The following TCF3 variants were observed in gnomAD, a reference collection of about 807,000 sequenced individuals.
The protein encoded by TCF3 is transcription factor E2-alpha.
TCF3 carries 54 observed loss-of-function variants against 72.3 expected under a neutral mutation model. The observed-to-expected ratio is 0.75, with a 90% CI of 0.60 to 0.94. The LOEUF (loss-of-function observed/expected upper bound fraction) is 0.94, where lower values mean the gene tolerates loss of function less well. Ranked by LOEUF, TCF3 falls within the 40% of genes least tolerant of loss-of-function variation. The pLI, the probability that TCF3 is intolerant of heterozygous loss-of-function variation, is 0.00. For synonymous variants in TCF3, 525 were observed against 412.6 expected, an observed-to-expected ratio of 1.27 and a Z score of -3.30; for missense variants, 1,078 against 934.4, an observed-to-expected ratio of 1.15 and a Z score of -2.00.
intron 7 of TCF3, among the ~76,000 whole-genome samples, chr19:1,624,297 G>A (rs2062617119): frequency 6.6e-6 from 1 of 152,146 alleles, no homozygotes; most frequent in Admixed American, 6.5e-5. Context: ...TCGGGAGGCC[G>A]AGGCAGGAGA....
intron 1 of TCF3, chr19:1,651,377 G>A: frequency 4.4e-6 from 1 of 227,508 alleles, no homozygotes; most frequent in Non-Finnish European, 8.7e-6. Context: ...GAGGCCGGGT[G>A]TGAAGCGGGC....
At chr19:1,647,626 G>A (rs2066325692) in intron 2 of TCF3, among the ~76,000 whole-genome samples, 1 of 152,192 alleles carries the variant, frequency 6.6e-6, no homozygotes, top group Non-Finnish European at 1.5e-5. Context: ...AGGCTCCGGT[G>A]CACCCAGCCT....
At chr19:1,631,727 C>T (rs765888687) in intron 5 of TCF3, among the ~76,000 whole-genome samples, 19 of 152,212 alleles carry the variant, frequency 1.2e-4, no homozygotes, top group Non-Finnish European at 1.9e-4. Flanking sequence ...CAGGCCAGCC[C>T]GGCTGACCCC....
At chr19:1,643,507 CACT>C (rs1938770690) in intron 3 of TCF3, among the ~76,000 whole-genome samples, 1 of 152,106 alleles carries the variant, frequency 6.6e-6, no homozygotes, top group Non-Finnish European at 1.5e-5. Flanking sequence ...AGGCATGAAC[CACT>C]GTGTCTGGCC....
chr19:1,636,547 C>G (rs2064434888), intron 3 of TCF3, among the ~76,000 whole-genome samples: 1 of 152,188 alleles, frequency 6.6e-6, no homozygotes, highest in African/African-American at 2.4e-5. Flanking sequence ...GCTCCTCCCA[C>G]CTTGTATTTC....
At chr19:1,645,066 G>A (rs548518029) in intron 3 of TCF3, among the ~76,000 whole-genome samples, 53 of 152,244 alleles carry the variant, frequency 3.5e-4, no homozygotes, top group African/African-American at 1.3e-3. Context: ...GGGAAGGCCA[G>A]TGTGAGGCAG....
At chr19:1,623,869 G>C (rs897090017) in intron 8 of TCF3, 82 bp downstream of exon 8, 1 of 1,449,624 alleles carries the variant, frequency 6.9e-7, no homozygotes, top group Non-Finnish European at 9.6e-7. Context: ...CCCGCCATGT[G>C]TGTTCCCAAG....
intron 3 of TCF3, among the ~76,000 whole-genome samples, chr19:1,640,585 G>A (rs1359922713): frequency 7.2e-5 from 11 of 152,150 alleles, no homozygotes; most frequent in Admixed American, 5.2e-4. Context: ...TCGGGAGGCC[G>A]AGGCGGGCGG....
intron 18 of TCF3, chr19:1,612,203 C>T: frequency 3.2e-6 from 5 of 1,570,210 alleles, no homozygotes; most frequent in Non-Finnish European, 4.3e-6. Context: ...GCCGGGGAGC[C>T]TACCTCGCAC....
At chr19:1,638,805 C>A (rs1291576158) in intron 3 of TCF3, among the ~76,000 whole-genome samples, 1 of 152,180 alleles carries the variant, frequency 6.6e-6, no homozygotes, top group Non-Finnish European at 1.5e-5. Context: ...AAAACACACA[C>A]CGGGGGAAGC....
At chr19:1,644,089 C>T (rs914691836) in intron 3 of TCF3, among the ~76,000 whole-genome samples, 11 of 152,232 alleles carry the variant, frequency 7.2e-5, no homozygotes, top group African/African-American at 2.7e-4. Context: ...GCCCCAAACT[C>T]CCCTCTTCCT....
intron 1 of TCF3, among the ~76,000 whole-genome samples, chr19:1,652,089 C>A (rs1003088657): frequency 2.3e-4 from 35 of 149,828 alleles, no homozygotes; most frequent in African/African-American, 7.6e-4. Flanking sequence ...GCGGGCCTGG[C>A]GAGCTCCGGG....
Position 1,612,283 on chromosome 19 carries a change from C to G in TCF3, c.1823-434G>C, listed in dbSNP as rs774147274. The G allele has an allele frequency of 6.2e-6, 10 of 1,613,334 alleles. No individual in the cohort carries two copies. The Admixed American group carries it at 1.7e-4, about 27-fold the overall frequency. ...TGAGCAGCTTGGTCTGCGCTTTGTC[C>G]GACTTGAGGTGCATCTGGCACATGC... On this transcript the variant is annotated intron_variant, in intron 18 of 18. Coordinates refer to ENST00000262965, the MANE Select transcript of TCF3 (RefSeq NM_003200.5).
intron 18 of TCF3, among the ~76,000 whole-genome samples, chr19:1,613,054 G>A (rs1177773802): frequency 1.3e-5 from 2 of 151,166 alleles, no homozygotes; most frequent in African/African-American, 2.4e-5. Context: ...CACGGCTGGT[G>A]TCGGGCACAG....
rs755529533 is a variant in TCF3 at position 1,610,841 on chromosome 19, A to G, written c.*866T>C. The G allele has an allele frequency of 2.5e-4, 53 of 211,894 alleles. No homozygotes were observed. The highest frequency in any genetic ancestry group is 3.6e-4 in the Non-Finnish European group (38 of 106,674). The allele number at this position is 211,894 out of a possible 1,614,324, so 13.1% of individuals were successfully genotyped here. A position where few individuals can be genotyped will look rare whatever the true frequency, so the allele number is the denominator to read the frequency against. Reference sequence around the variant, plus strand: ...GGAACGCCCACGCATCACTTTCCACATGACAAAACCAAGAGAACCCCCAAC... The same window carrying G: ...GGAACGCCCACGCATCACTTTCCACGTGACAAAACCAAGAGAACCCCCAAC... On this transcript the variant is annotated 3_prime_UTR_variant, in exon 19 of 19. Transcript: ENST00000262965.
intron 2 of TCF3, among the ~76,000 whole-genome samples, chr19:1,647,210 C>T (rs2066256891): frequency 1.4e-5 from 2 of 146,916 alleles, no homozygotes; most frequent in East Asian, 2.2e-4. Context: ...TAAAGATTAA[C>T]GGGCTCAGCG....
rs2067266160 is a variant in TCF3 at position 1,652,359 on chromosome 19, G to GGC, written c.-100_-99insGC. The GGC allele has an allele frequency of 7.2e-6, 1 of 138,586 alleles. No individual in the cohort carries two copies. The highest frequency in any genetic ancestry group is 2.6e-5 in the African/African-American group (1 of 38,218). 8.6% of individuals were successfully genotyped at this position (138,586 alleles called of 1,614,324 possible). A position where few individuals can be genotyped will look rare whatever the true frequency, so the allele number is the denominator to read the frequency against. On this transcript the variant is annotated 5_prime_UTR_variant, in exon 1 of 19. Transcript: ENST00000262965. The stretch of plus-strand genomic sequence containing the variant: ...GGGGGCGGCGGCATGAAGCGGGGGG[G>GGC]CCCCCCCCCGGACAAAGGTGCGTCG...
intron 3 of TCF3, among the ~76,000 whole-genome samples, chr19:1,633,164 T>C (rs990545761): frequency 3.9e-4 from 59 of 152,296 alleles, no homozygotes; most frequent in Admixed American, 7.2e-4. Flanking sequence ...TCTTCTGCCC[T>C]GGGCAGGGAG....
intron 3 of TCF3, among the ~76,000 whole-genome samples, chr19:1,645,175 G>A (rs1173409771): frequency 2.0e-5 from 3 of 152,070 alleles, no homozygotes; most frequent in South Asian, 2.1e-4. Context: ...TCCAGCCAGG[G>A]CCCACCCCTG....
Sources: allele counts gnomAD v4.1 joint callset (sites outside exome capture counted in the v4.1 genomes callset), GRCh38; gene constraint gnomAD v4.1.1; transcripts MANE v1.5; gene names NCBI Gene and HGNC (gene_info 2026-07-23, HGNC 2026-07-21).